Variants in LSAMP observed in about 807,000 individuals in gnomAD.
LSAMP encodes limbic system-associated membrane protein.
In LSAMP, 7 loss-of-function variants were observed where a neutral mutation model predicts 38.6. That is an observed-to-expected ratio of 0.18 (90% CI 0.10 to 0.34). The LOEUF (loss-of-function observed/expected upper bound fraction) is 0.34, where lower values mean the gene tolerates loss of function less well. Among genes scored for constraint, LSAMP ranks in the 10% least tolerant of loss-of-function variants. The pLI is 1.00. For missense variants in LSAMP, 313 were observed against 420.0 expected, an observed-to-expected ratio of 0.75 and a Z score of 2.23; for synonymous variants, 154 against 166.8, an observed-to-expected ratio of 0.92 and a Z score of 0.59.
intron 3 of LSAMP, among the ~76,000 whole-genome samples, chr3:116,009,149 A>C (rs1226281593): frequency 6.6e-6 from 1 of 152,204 alleles, no homozygotes; most frequent in Non-Finnish European, 1.5e-5. Flanking sequence ...TGAGTACTAC[A>C]CACATTGTGG....
intron 1 of LSAMP, among the ~76,000 whole-genome samples, chr3:116,100,659 T>C (rs1313463952): frequency 6.6e-6 from 1 of 152,166 alleles, no homozygotes; most frequent in Non-Finnish European, 1.5e-5. Flanking sequence ...TCTTTCATAG[T>C]GAACAGAATG....
At chr3:116,348,336 G>T (rs1249062997) in intron 1 of LSAMP, among the ~76,000 whole-genome samples, 5 of 152,056 alleles carry the variant, frequency 3.3e-5, no homozygotes. Flanking sequence ...ATATGGCAGA[G>T]TAAGTGAATA....
chr3:116,336,175 A>G (rs2047917442), intron 1 of LSAMP, among the ~76,000 whole-genome samples: 1 of 152,042 alleles, frequency 6.6e-6, no homozygotes, highest in African/African-American at 2.4e-5. Flanking sequence ...AAAACATAGG[A>G]CAAAAACTTC....
intron 2 of LSAMP, among the ~76,000 whole-genome samples, chr3:116,059,466 A>G (rs1462661269): frequency 2.6e-5 from 4 of 152,176 alleles, no homozygotes. Context: ...AATTCTGAAG[A>G]TGAAATAATT....
At chr3:116,211,330 G>A (rs1158607377) in intron 1 of LSAMP, among the ~76,000 whole-genome samples, 1 of 152,142 alleles carries the variant, frequency 6.6e-6, no homozygotes, top group Non-Finnish European at 1.5e-5. Flanking sequence ...TGCTAAGACG[G>A]TAGATCTTAA....
At chr3:115,856,982 TG>T (rs1935527194) in intron 3 of LSAMP, among the ~76,000 whole-genome samples, 1 of 152,192 alleles carries the variant, frequency 6.6e-6, no homozygotes, top group Non-Finnish European at 1.5e-5. Flanking sequence ...TCAGAGAAGT[TG>T]GCATAAAACT....
At chr3:115,841,299 G>T (rs746213505) in intron 6 of LSAMP, among the ~76,000 whole-genome samples, 1 of 152,086 alleles carries the variant, frequency 6.6e-6, no homozygotes, top group African/African-American at 2.4e-5. Context: ...AAAGCTTTCT[G>T]CAACCATTTT....
intron 1 of LSAMP, 134 bp from the exon 2 acceptor site, chr3:116,086,690 T>C (rs1223444828): frequency 2.9e-6 from 2 of 693,092 alleles, no homozygotes; most frequent in Non-Finnish European, 5.0e-6. Flanking sequence ...ATGCCATTCT[T>C]GGAGTCCTTA....
chr3:115,897,474 G>A (rs1936758432), intron 3 of LSAMP, among the ~76,000 whole-genome samples: 2 of 152,058 alleles, frequency 1.3e-5, no homozygotes, highest in Admixed American at 6.6e-5. Context: ...TATGAAATGG[G>A]AAAAGTGGTA....
intron 1 of LSAMP, among the ~76,000 whole-genome samples, chr3:116,151,826 C>T (rs932686017): frequency 1.3e-5 from 2 of 152,050 alleles, no homozygotes; most frequent in East Asian, 1.9e-4. Context: ...ACTCTGGTAG[C>T]CACTTGCTTC....
intron 1 of LSAMP, among the ~76,000 whole-genome samples, chr3:116,236,512 C>T (rs2046467450): frequency 6.6e-6 from 1 of 152,050 alleles, no homozygotes; most frequent in Non-Finnish European, 1.5e-5. Flanking sequence ...ACTATTGGTG[C>T]CCACTTTGAT....
Position 116,431,848 on chromosome 3 carries a change from C to T in LSAMP, c.155+13029G>A, listed in dbSNP as rs57159250. On this transcript the variant is annotated intron_variant, in intron 1 of 6. Coordinates refer to ENST00000490035, the MANE Select transcript of LSAMP (RefSeq NM_002338.5). ...AAAGAAAATAGAAATTTAGTATGGACTTGGAATCACAAATTCAAAGAATTA... is the reference window on the plus strand; with the variant it reads ...AAAGAAAATAGAAATTTAGTATGGATTTGGAATCACAAATTCAAAGAATTA... Among the ~76,000 whole-genome samples the T allele has an allele frequency of 6.4e-3, 975 of 152,052 alleles. 10 individuals carry two copies. Among genetic ancestry groups the T allele is most frequent in the African/African-American group, 0.021 (883 of 41,538 alleles).
At chr3:115,827,020 TG>T (rs1934438219) in intron 6 of LSAMP, among the ~76,000 whole-genome samples, 1 of 151,804 alleles carries the variant, frequency 6.6e-6, no homozygotes, top group Non-Finnish European at 1.5e-5. Context: ...AACTTACCTG[TG>T]TTCTGGAACT....
At chr3:116,067,932 C>T (rs1005019543) in intron 2 of LSAMP, among the ~76,000 whole-genome samples, 7 of 151,882 alleles carry the variant, frequency 4.6e-5, no homozygotes, top group Non-Finnish European at 7.4e-5. Context: ...TTTTCAGACA[C>T]GATTGAAAAC....
chr3:116,120,192 A>G (rs1708843640), intron 1 of LSAMP, among the ~76,000 whole-genome samples: 1 of 152,218 alleles, frequency 6.6e-6, no homozygotes, highest in Non-Finnish European at 1.5e-5. Flanking sequence ...AAGATATATT[A>G]TAATAGAAGT....
At chr3:115,978,591 G>A (rs1939259967) in intron 3 of LSAMP, among the ~76,000 whole-genome samples, 1 of 151,716 alleles carries the variant, frequency 6.6e-6, no homozygotes, top group African/African-American at 2.4e-5. Flanking sequence ...ATTATTAGCA[G>A]TATTCCTACT....
At chr3:115,922,183 C>G (rs1340556828) in intron 3 of LSAMP, among the ~76,000 whole-genome samples, 2 of 152,130 alleles carry the variant, frequency 1.3e-5, no homozygotes, top group Non-Finnish European at 2.9e-5. Flanking sequence ...GCTTCCTTCT[C>G]TCCTCCTTCT....
chr3:116,308,015 T>C (rs1248620896), intron 1 of LSAMP, among the ~76,000 whole-genome samples: 1 of 151,970 alleles, frequency 6.6e-6, no homozygotes, highest in Non-Finnish European at 1.5e-5. Context: ...AGATGTTTAA[T>C]GCATTCGTAA....
intron 1 of LSAMP, among the ~76,000 whole-genome samples, chr3:116,127,431 T>C (rs905029367): frequency 2.6e-5 from 4 of 152,162 alleles, no homozygotes; most frequent in African/African-American, 4.8e-5. Context: ...AAGACATTTT[T>C]AGAGAAATGC....
Sources: gnomAD v4.1 joint callset for allele counts (sites outside exome capture counted in the v4.1 genomes callset) on GRCh38, gnomAD v4.1.1 for gene constraint, MANE v1.5 for transcripts, NCBI Gene and HGNC (gene_info 2026-07-23, HGNC 2026-07-21) for gene names.